The following FBXO28 variants were observed in gnomAD, a reference collection of about 807,000 sequenced individuals.
The protein encoded by FBXO28 is F-box protein 28.
A neutral mutation model predicts 38.1 loss-of-function variants in FBXO28; 8 were observed. The ratio of observed to expected loss-of-function variants is 0.21; its 90% CI spans 0.12 to 0.38. FBXO28 has a LOEUF of 0.38. Ranked by LOEUF, FBXO28 falls within the 10% of genes least tolerant of loss-of-function variation. The pLI is 1.00. For missense variants in FBXO28, 345 were observed against 460.6 expected (o/e 0.75, Z 2.30); for synonymous variants, 168 against 173.8 (o/e 0.97, Z 0.26).
rs141811741 is a variant in FBXO28 at position 224,132,416 on chromosome 1, A to G, written c.378-1658A>G. 1.2e-3 allele frequency among the ~76,000 whole-genome samples: 176 copies of G among 152,372 alleles called. 1 individual carries two copies. The highest frequency in any genetic ancestry group is 7.8e-3 in the Admixed American group (119 of 15,300). On this transcript the variant is annotated intron_variant, in intron 2 of 4. Transcript: ENST00000366862. Reference sequence around the variant, plus strand: ...GCGCTTTATATCCACTAGGATGGCTACAATGGAAAAATGTTGGGGAGGATG... The same window carrying G: ...GCGCTTTATATCCACTAGGATGGCTGCAATGGAAAAATGTTGGGGAGGATG...
chr1:224,120,561 G>T, intron 1 of FBXO28, among the ~76,000 whole-genome samples: 1 of 152,118 alleles, frequency 6.6e-6, no homozygotes. Context: ...ATAAACAATA[G>T]AAAATATATG....
intron 3 of FBXO28, among the ~76,000 whole-genome samples, chr1:224,152,126 A>G (rs1004111881): frequency 6.6e-6 from 1 of 152,160 alleles, no homozygotes; most frequent in African/African-American, 2.4e-5. Flanking sequence ...GATGAAAGCT[A>G]ATATCACAAA....
rs1657012281 is a variant in FBXO28 at position 224,130,482 on chromosome 1, G to A, written c.278G>A (p.Arg93Lys). 6.2e-7 allele frequency: 1 copy of A among 1,612,606 alleles called. No individual in the cohort carries two copies. The highest frequency in any genetic ancestry group is 8.5e-7 in the Non-Finnish European group (1 of 1,178,954). The change falls in exon 2 of 5, where the codon AGA (arginine) becomes AAA (lysine). Residue 93 changes from arginine to lysine, a missense_variant. Transcript: ENST00000366862. ...EISQLRLVCK[R>K]MDLVCQRMLN... ...TTTTTCTCCTTGAAGGTTTGTAAAA[G>A]AATGGACTTGGTCTGCCAGAGAATG... is the stretch of plus-strand genomic sequence containing the variant.
intron 3 of FBXO28, among the ~76,000 whole-genome samples, chr1:224,138,386 T>C (rs914892566): frequency 3.3e-5 from 5 of 151,898 alleles, no homozygotes; most frequent in African/African-American, 9.7e-5. Flanking sequence ...CCGTGTGCAA[T>C]GTGTGGTAAA....
intron 3 of FBXO28, among the ~76,000 whole-genome samples, chr1:224,142,478 A>G (rs1410513810): frequency 4.6e-5 from 7 of 151,900 alleles, no homozygotes; most frequent in Non-Finnish European, 8.8e-5. Context: ...ACTTTTTTGT[A>G]ATAACACTTA....
chr1:224,155,112 A>G (rs987544447), intron 4 of FBXO28, among the ~76,000 whole-genome samples: 1 of 152,138 alleles, frequency 6.6e-6, no homozygotes, highest in African/African-American at 2.4e-5. Context: ...CTCTTCAGGG[A>G]CATATTTGGT....
chr1:224,145,545 A>G (rs1470448939), intron 3 of FBXO28, among the ~76,000 whole-genome samples: 1 of 152,176 alleles, frequency 6.6e-6, no homozygotes, highest in Non-Finnish European at 1.5e-5. Flanking sequence ...TTATAATCTT[A>G]CAGGATGACC....
chr1:224,130,708 A>T, intron 2 of FBXO28, 127 bp downstream of exon 2: 1 of 600,786 alleles, frequency 1.7e-6, no homozygotes, highest in Non-Finnish European at 3.0e-6. Flanking sequence ...AAAGATCACA[A>T]TGTGATTTCT....
chr1:224,128,529 T>C (rs1656958257), intron 1 of FBXO28, among the ~76,000 whole-genome samples: 1 of 152,180 alleles, frequency 6.6e-6, no homozygotes, highest in African/African-American at 2.4e-5. Context: ...ATTTAGTGTG[T>C]GTTTCGTTTA....
rs1041621405 is a variant in FBXO28 at position 224,158,012 on chromosome 1, T to C, written c.*266T>C. On this transcript the variant is annotated 3_prime_UTR_variant, in exon 5 of 5. Transcript: ENST00000366862. ...AGGAGTTAACTTTTTTCTGTGCAGA[T>C]AATGTTGAAAGTAAGTTAATTTGTT... 6 of 1,206,376 alleles carry C rather than the reference T, an allele frequency of 5.0e-6. No homozygotes were observed. The African/African-American group carries it at 9.4e-5, about 19-fold the overall frequency. 74.7% of individuals were successfully genotyped at this position (1,206,376 alleles called of 1,614,324 possible).
chr1:224,124,720 CTT>C (rs1234635046), intron 1 of FBXO28, among the ~76,000 whole-genome samples: 2 of 152,040 alleles, frequency 1.3e-5, no homozygotes, highest in African/African-American at 4.8e-5. Context: ...TATATGGTCT[CTT>C]TTGTTGTATT....
chr1:224,127,857 A>G (rs1424379395), intron 1 of FBXO28, among the ~76,000 whole-genome samples: 1 of 152,234 alleles, frequency 6.6e-6, no homozygotes. Context: ...CAGTGAACCA[A>G]GATCACGCCA....
intron 1 of FBXO28, among the ~76,000 whole-genome samples, chr1:224,123,367 A>T (rs1656823663): frequency 7.2e-6 from 1 of 138,850 alleles, no homozygotes; most frequent in Non-Finnish European, 1.5e-5. Context: ...CCTGAGCCCC[A>T]GGGAGGTGGA....
At chr1:224,148,352 A>G (rs906666585) in intron 3 of FBXO28, among the ~76,000 whole-genome samples, 1 of 152,182 alleles carries the variant, frequency 6.6e-6, no homozygotes, top group African/African-American at 2.4e-5. Context: ...CTAATTGTAT[A>G]ATATATGTTA....
At position 224,114,991 on chromosome 1, in the gene FBXO28, A is replaced by T. The variant is rs1339816423; in HGVS notation, c.267+595A>T. On this transcript the variant is annotated intron_variant, in intron 1 of 4. Transcript: ENST00000366862. ...GTTAGCCCCAGCGCCCTAATTGACCACTAAAGTAGAGCCTTGGGAAATGAC... is the reference window on the plus strand; with the variant it reads ...GTTAGCCCCAGCGCCCTAATTGACCTCTAAAGTAGAGCCTTGGGAAATGAC... Among the ~76,000 whole-genome samples, 3 of 152,148 alleles carry T rather than the reference A, an allele frequency of 2.0e-5. No individual in the cohort carries two copies. In the East Asian group the frequency reaches 5.8e-4, roughly 29 times the overall value.
chr1:224,144,707 A>C (rs1657455171), intron 3 of FBXO28, among the ~76,000 whole-genome samples: 1 of 151,922 alleles, frequency 6.6e-6, no homozygotes, highest in Admixed American at 6.6e-5. Flanking sequence ...CAGTGAGCCG[A>C]GATCGTGCCA....
rs2102639313 is a variant in FBXO28 at position 224,158,636 on chromosome 1, G to C, written c.*890G>C. On this transcript the variant is annotated 3_prime_UTR_variant, in exon 5 of 5. Transcript: ENST00000366862. ...AAGCCCATTGCTTTATCTGCTCTCT[G>C]TAGGGTTCAGGTACACTGGCTAAGG... 1 of 152,338 alleles carries C rather than the reference G, an allele frequency of 6.6e-6. No individual in the cohort carries two copies. The highest frequency in any genetic ancestry group is 2.1e-4 in the South Asian group (1 of 4,834). The allele number at this position is 152,338 out of a possible 1,614,324, so 9.4% of individuals were successfully genotyped here.
intron 1 of FBXO28, among the ~76,000 whole-genome samples, chr1:224,115,732 G>A (rs1002983567): frequency 6.6e-6 from 1 of 152,108 alleles, no homozygotes; most frequent in Non-Finnish European, 1.5e-5. Flanking sequence ...AAACAGTGGC[G>A]TTTAATCAAA....
intron 3 of FBXO28, among the ~76,000 whole-genome samples, chr1:224,144,736 G>T (rs1428405771): frequency 6.6e-6 from 1 of 151,960 alleles, no homozygotes; most frequent in Non-Finnish European, 1.5e-5. Flanking sequence ...CTCCAGCCTG[G>T]TGACAGAGCA....
Sources: allele counts gnomAD v4.1 joint callset (sites outside exome capture counted in the v4.1 genomes callset), GRCh38; gene constraint gnomAD v4.1.1; transcripts MANE v1.5; gene names NCBI Gene and HGNC (gene_info 2026-07-23, HGNC 2026-07-21).